UGT1A9: variants seen among roughly 807,000 people sequenced by gnomAD.
The protein encoded by UGT1A9 is UDP-glucuronosyltransferase 1A9.
A neutral mutation model predicts 45.0 loss-of-function variants in UGT1A9; 35 were observed. The observed-to-expected ratio is 0.78, with a 90% CI of 0.59 to 1.03. The LOEUF is 1.03. UGT1A9 is among the 50% of genes least tolerant of loss of function. UGT1A9 has a pLI of 0.00. For synonymous variants in UGT1A9, 278 were observed against 250.6 expected, an observed-to-expected ratio of 1.11 and a Z score of -1.03; for missense variants, 687 against 666.6, an observed-to-expected ratio of 1.03 and a Z score of -0.34.
intron 1 of UGT1A9, chr2:233,719,320 T>C (rs1246045139): frequency 6.8e-6 from 11 of 1,613,984 alleles, no homozygotes; most frequent in Non-Finnish European, 8.5e-6. Context: ...TACCTGTCGA[T>C]TCCTGCTGTG....
In UGT1A9 at chr2:233,743,533, T is replaced by C. The variant is rs755870649; in HGVS notation, c.856-23501T>C. 6.6e-6 allele frequency: 9 copies of C among 1,367,096 alleles called. No individual in the cohort carries two copies. The African/African-American group carries it at 1.0e-4, about 16-fold the overall frequency. The allele number at this position is 1,367,096 out of a possible 1,614,324, so 84.7% of individuals were successfully genotyped here. ...CGCTCTGCTTCTGCTTCCCCAGCAG[T>C]TCCTCTGACCCCCCCAAAATATTCT... On this transcript the variant is annotated intron_variant, in intron 1 of 4. Coordinates refer to ENST00000354728, the MANE Select transcript of UGT1A9 (RefSeq NM_021027.3).
chr2:233,699,030 G>A (rs1575464751), intron 1 of UGT1A9, among the ~76,000 whole-genome samples: 2 of 152,336 alleles, frequency 1.3e-5, no homozygotes, highest in South Asian at 4.1e-4. Flanking sequence ...CCACCAGGCA[G>A]TCCCAGATGT....
In UGT1A9 at chr2:233,730,399, T is replaced by C. The variant is rs371215104; in HGVS notation, c.856-36635T>C. On this transcript the variant is annotated intron_variant, in intron 1 of 4. Coordinates refer to ENST00000354728, the MANE Select transcript of UGT1A9 (RefSeq NM_021027.3). ...GGGGAAAGATGATGCAACAGTAAAT[T>C]ACAATTGTTGACATGATAATTTTTA... Among the ~76,000 whole-genome samples, 4 of 152,338 alleles carry C rather than the reference T, an allele frequency of 2.6e-5. No individual in the cohort carries two copies. In the East Asian group the frequency reaches 7.7e-4, roughly 29 times the overall value.
intron 1 of UGT1A9, among the ~76,000 whole-genome samples, chr2:233,753,945 C>T (rs1389059765): frequency 1.3e-5 from 2 of 152,168 alleles, no homozygotes; most frequent in Non-Finnish European, 2.9e-5. Context: ...AAATGTATGA[C>T]CTCCAAAATA....
At position 233,672,490 on chromosome 2, in the gene UGT1A9, C is replaced by A; in HGVS notation, c.556C>A (p.Pro186Thr). 1.9e-6 allele frequency: 3 copies of A among 1,613,940 alleles called. No individual in the cohort carries two copies. Among genetic ancestry groups the A allele is most frequent in the Non-Finnish European group, 2.5e-6 (3 of 1,179,844 alleles). ...TGAAGAAGGTGCACAGTGCCCTGCT[C>A]CTCTTTCCTATGTCCCCAGAATTCT... is the stretch of plus-strand genomic sequence containing the variant. The part of the protein sequence containing the change: ...YLEEGAQCPA[P>T]LSYVPRILLG... The change falls in exon 1 of 5, where the codon CCT (proline) becomes ACT (threonine). Residue 186 changes from proline (P) to threonine (T), a missense_variant. Coordinates refer to ENST00000354728, the MANE Select transcript of UGT1A9 (RefSeq NM_021027.3).
intron 1 of UGT1A9, among the ~76,000 whole-genome samples, chr2:233,732,992 G>A (rs1489601833): frequency 1.3e-5 from 2 of 152,152 alleles, no homozygotes; most frequent in Non-Finnish European, 2.9e-5. Context: ...TCGTTGAGCA[G>A]TGGTTTGTAG....
At chr2:233,734,127 G>A (rs549754021) in intron 1 of UGT1A9, among the ~76,000 whole-genome samples, 274 of 151,640 alleles carry the variant, frequency 1.8e-3, no homozygotes, top group Non-Finnish European at 3.0e-3. Context: ...ATAATAAAAA[G>A]AATTTGGCTG....
intron 1 of UGT1A9, among the ~76,000 whole-genome samples, chr2:233,724,169 C>CA (rs1420710950): frequency 7.9e-6 from 1 of 127,094 alleles, no homozygotes; most frequent in Admixed American, 7.4e-5. Flanking sequence ...GGCTGACCCC[C>CA]CCATCTCCCT....
Position 233,772,517 on chromosome 2 carries a change from A to C in UGT1A9, c.1551A>C (p.Lys517Asn). Residue 517 changes from lysine to asparagine, a missense_variant, in exon 5 of 5, where the codon AAA (lysine) becomes AAC (asparagine). Coordinates refer to ENST00000354728, the MANE Select transcript of UGT1A9 (RefSeq NM_021027.3). Reference protein sequence around the residue: ...CAYGYRKCLGKKGRVKKAHKS... With the variant: ...CAYGYRKCLGNKGRVKKAHKS... ...ATGGCTACCGGAAATGCTTGGGGAA[A>C]AAAGGGCGAGTTAAGAAAGCCCACA... The C allele has an allele frequency of 6.2e-7, 1 of 1,614,222 alleles. No individual in the cohort carries two copies.
At chr2:233,735,887 T>A (rs2078706567) in intron 1 of UGT1A9, among the ~76,000 whole-genome samples, 1 of 152,242 alleles carries the variant, frequency 6.6e-6, no homozygotes, top group Non-Finnish European at 1.5e-5. Flanking sequence ...CTGCTGTTAG[T>A]CTGATGGGCT....
In UGT1A9 at chr2:233,704,113, A is replaced by T. The variant is rs1013421072; in HGVS notation, c.855+31324A>T. 1.2e-4 allele frequency among the ~76,000 whole-genome samples: 18 copies of T among 149,824 alleles called. 1 individual carries two copies. On this transcript the variant is annotated intron_variant, in intron 1 of 4. Transcript: ENST00000354728. ...GCCATGTTGGTCAGTCTGGTCTCAA[A>T]CTCCTTACCTCAAGTGATCCACCCG... is the stretch of plus-strand genomic sequence containing the variant.
At chr2:233,690,893 G>T (rs2075019980) in intron 1 of UGT1A9, 20 of 1,043,820 alleles carry the variant, frequency 1.9e-5, no homozygotes, top group Middle Eastern at 4.5e-4. Flanking sequence ...TCAAGGGATG[G>T]TATGCATAGT....
chr2:233,762,115 C>A (rs1697973235), intron 1 of UGT1A9, among the ~76,000 whole-genome samples: 1 of 152,304 alleles, frequency 6.6e-6, no homozygotes, highest in South Asian at 2.1e-4. Flanking sequence ...CGCTTCACAT[C>A]ATGAGCCATG....
At chr2:233,760,463 T>C in intron 1 of UGT1A9, 1 of 1,614,204 alleles carries the variant, frequency 6.2e-7, no homozygotes, top group Non-Finnish European at 8.5e-7. Context: ...GAAATAGTTG[T>C]CCTAGCACCT....
chr2:233,713,519 T>C, intron 1 of UGT1A9: 1 of 1,613,934 alleles, frequency 6.2e-7, no homozygotes. Context: ...TGAGGAACAT[T>C]CCATGTGATT....
chr2:233,690,515 C>T (rs1313836280), intron 1 of UGT1A9: 3 of 1,289,546 alleles, frequency 2.3e-6, no homozygotes, highest in Admixed American at 4.6e-5. Context: ...TTTGTTTTAT[C>T]TTAGGATCTA....
At chr2:233,717,961 C>T (rs1265478221) in intron 1 of UGT1A9, 1 of 449,854 alleles carries the variant, frequency 2.2e-6, no homozygotes, top group Non-Finnish European at 4.5e-6. Context: ...AAGACTGGAG[C>T]CTTTGGCATT....
chr2:233,712,443 C>G (rs1223728357), intron 1 of UGT1A9, among the ~76,000 whole-genome samples: 1 of 152,142 alleles, frequency 6.6e-6, no homozygotes, highest in East Asian at 1.9e-4. Context: ...TGAAAAACGA[C>G]CAAAACCAGA....
chr2:233,713,288 G>T (rs767329942), intron 1 of UGT1A9: 6 of 1,614,202 alleles, frequency 3.7e-6, no homozygotes, highest in Non-Finnish European at 5.1e-6. Context: ...ACACTCAATC[G>T]TTCTTTGAAA....
Sources: gnomAD v4.1 joint callset for allele counts (sites outside exome capture counted in the v4.1 genomes callset) on GRCh38, gnomAD v4.1.1 for gene constraint, MANE v1.5 for transcripts, NCBI Gene and HGNC (gene_info 2026-07-23, HGNC 2026-07-21) for gene names.